STK3: variants seen among roughly 807,000 people sequenced by gnomAD.
The protein encoded by STK3 is serine/threonine kinase 3.
Under a neutral mutation model 58.0 loss-of-function variants are expected in STK3, and 41 were observed. That is an observed-to-expected ratio of 0.71 (90% CI 0.55 to 0.92). STK3 has a LOEUF of 0.92. Ranked by LOEUF, STK3 falls within the 40% of genes least tolerant of loss-of-function variation. The pLI is 0.00. For synonymous variants in STK3, 170 were observed against 191.0 expected (o/e 0.89, Z 0.91); for missense variants, 479 against 602.7 (o/e 0.79, Z 2.15).
intron 8 of STK3, among the ~76,000 whole-genome samples, chr8:98,579,150 CA>C (rs879881150): frequency 6.3e-5 from 9 of 143,206 alleles, no homozygotes; most frequent in Non-Finnish European, 6.1e-5. Flanking sequence ...GACTCTGTTT[CA>C]AAAAAAAAAG....
rs889440544 is a variant in STK3 at position 98,862,013 on chromosome 8, G to A, written c.110+21634C>T. On this transcript the variant is annotated intron_variant, in intron 3 of 12. Coordinates refer to the STK3 transcript ENST00000523601. ...TGCCAGATTCAGTAAATGTGCAGGGGTCTTTTTTCCCACTCAAACCTGTGG... is the reference window on the plus strand; with the variant it reads ...TGCCAGATTCAGTAAATGTGCAGGGATCTTTTTTCCCACTCAAACCTGTGG... Among the ~76,000 whole-genome samples the A allele has an allele frequency of 7.9e-5, 12 of 152,324 alleles. No individual in the cohort carries two copies. The South Asian group carries it at 8.3e-4, about 11-fold the overall frequency.
chr8:98,461,539 G>A (rs769698064), intron 10 of STK3, among the ~76,000 whole-genome samples: 1 of 152,112 alleles, frequency 6.6e-6, no homozygotes, highest in Non-Finnish European at 1.5e-5. Flanking sequence ...TTGTTTTCTA[G>A]ATACTCTGTT....
intron 3 of STK3, among the ~76,000 whole-genome samples, chr8:98,405,435 GTTA>G (rs1270306255): frequency 1.3e-5 from 2 of 152,150 alleles, no homozygotes; most frequent in East Asian, 1.9e-4. Context: ...TGGTAATATT[GTTA>G]TTATTATTAT....
chr8:98,457,843 G>C (rs1819615956), intron 10 of STK3, among the ~76,000 whole-genome samples: 1 of 152,038 alleles, frequency 6.6e-6, no homozygotes, highest in Non-Finnish European at 1.5e-5. Flanking sequence ...TACTTTTACT[G>C]GGGCAAACTG....
At chr8:98,383,205 A>G (rs73272082) in intron 1 of STK3, among the ~76,000 whole-genome samples, 9,180 of 152,194 alleles carry the variant, frequency 0.06, 684 homozygotes, top group East Asian at 0.16. Context: ...GTCCTGGGAG[A>G]TAGGCAATTC....
chr8:98,871,271 G>A (rs940191284), intron 3 of STK3, among the ~76,000 whole-genome samples: 11 of 152,190 alleles, frequency 7.2e-5, no homozygotes, highest in African/African-American at 2.2e-4. Context: ...TTGAGGTCAG[G>A]AAGTGTGATG....
At chr8:98,529,752 T>C (rs762498707) in intron 9 of STK3, among the ~76,000 whole-genome samples, 8 of 152,172 alleles carry the variant, frequency 5.3e-5, no homozygotes, top group Non-Finnish European at 1.0e-4. Flanking sequence ...CATTATGCTA[T>C]GTGAAATAAG....
chr8:98,855,686 T>A (rs138278815), intron 3 of STK3, among the ~76,000 whole-genome samples: 10 of 152,210 alleles, frequency 6.6e-5, no homozygotes, highest in African/African-American at 2.2e-4. Flanking sequence ...TAAGAACTTT[T>A]GTGTTGAGGG....
At chr8:98,517,841 C>A (rs950532470) in intron 10 of STK3, among the ~76,000 whole-genome samples, 5 of 152,060 alleles carry the variant, frequency 3.3e-5, no homozygotes, top group African/African-American at 1.2e-4. Flanking sequence ...TATTGGTTAA[C>A]ATCTCTTTTG....
intron 4 of STK3, among the ~76,000 whole-genome samples, chr8:98,745,913 A>T (rs1040997444): frequency 1.3e-5 from 2 of 152,250 alleles, no homozygotes; most frequent in African/African-American, 4.8e-5. Flanking sequence ...GGTATAGCCT[A>T]TTGCTCCTAG....
rs1327559479 is a variant in STK3, at chr8:98,649,908, T to C, written c.685-53739A>G. Among the ~76,000 whole-genome samples, 8 of 152,224 alleles carry C rather than the reference T, an allele frequency of 5.3e-5. No homozygotes were observed. In the South Asian group the frequency reaches 1.0e-3, roughly 20 times the overall value. ...TCAATTCCAGTGTAATGTCTTTCAA[T>C]TAGATTTTTACGAATTTCTTCCTAC... On this transcript the variant is annotated intron_variant, in intron 6 of 10. Transcript: ENST00000419617.
chr8:98,577,924 G>C (rs1385144828), intron 8 of STK3, among the ~76,000 whole-genome samples: 3 of 151,972 alleles, frequency 2.0e-5, no homozygotes, highest in Non-Finnish European at 4.4e-5. Flanking sequence ...CAAAGGCCCT[G>C]AGTAAGGAAA....
chr8:98,614,607 G>C (rs984157898), intron 6 of STK3, among the ~76,000 whole-genome samples: 2 of 149,670 alleles, frequency 1.3e-5, no homozygotes, highest in Non-Finnish European at 2.9e-5. Flanking sequence ...TGTGCGCACC[G>C]TGCGCGAGCC....
chr8:98,826,534 G>T (rs1219462488), upstream of STK3, among the ~76,000 whole-genome samples: 1 of 152,152 alleles, frequency 6.6e-6, no homozygotes, highest in Admixed American at 6.5e-5. Flanking sequence ...ATGCTGCCAG[G>T]AAGAATACTC....
At chr8:98,762,993 T>C (rs966001079) in intron 3 of STK3, among the ~76,000 whole-genome samples, 1 of 152,246 alleles carries the variant, frequency 6.6e-6, no homozygotes, top group African/African-American at 2.4e-5. Flanking sequence ...TCATTTTCTG[T>C]ATCTGCAAAA....
the STK3 span, among the ~76,000 whole-genome samples, chr8:98,350,687 T>C: frequency 3.8e-4 from 58 of 152,290 alleles, no homozygotes; most frequent in Admixed American, 9.2e-4. Context: ...GTAGACAAGA[T>C]AAGAGAATGA....
At chr8:98,502,160 A>T (rs1314005724) in intron 10 of STK3, among the ~76,000 whole-genome samples, 1 of 151,918 alleles carries the variant, frequency 6.6e-6, no homozygotes, top group Non-Finnish European at 1.5e-5. Flanking sequence ...TTATTCTCTT[A>T]GTAGCAATTG....
At chr8:98,583,796 T>C (rs1049091996) in intron 7 of STK3, among the ~76,000 whole-genome samples, 3 of 151,752 alleles carry the variant, frequency 2.0e-5, no homozygotes, top group Non-Finnish European at 4.4e-5. Flanking sequence ...AAGAAGTAGA[T>C]GAGAAAATAA....
chr8:98,643,206 G>A (rs1820154982), intron 6 of STK3, among the ~76,000 whole-genome samples: 1 of 152,168 alleles, frequency 6.6e-6, no homozygotes, highest in African/African-American at 2.4e-5. Flanking sequence ...TCCAGCCTGG[G>A]CGACAGAGAG....
Sources: allele counts gnomAD v4.1 joint callset (sites outside exome capture counted in the v4.1 genomes callset), GRCh38; gene constraint gnomAD v4.1.1; transcripts MANE v1.5; gene names NCBI Gene and HGNC (gene_info 2026-07-23, HGNC 2026-07-21).